The following ZRANB3 variants were observed in gnomAD, a reference collection of about 807,000 sequenced individuals.
The protein encoded by ZRANB3 is zinc finger RANBP2-type containing 3, also known as DNA annealing helicase and endonuclease ZRANB3.
Under a neutral mutation model 133.8 loss-of-function variants are expected in ZRANB3, and 125 were observed. The observed-to-expected ratio is 0.93, with a 90% confidence interval of 0.81 to 1.08. The LOEUF is 1.08. Ranked by LOEUF, ZRANB3 falls within the 50% of genes least tolerant of loss-of-function variation. The pLI is 0.00. For synonymous variants in ZRANB3, 387 were observed against 432.7 expected, an observed-to-expected ratio of 0.89 and a Z score of 1.31; for missense variants, 1,229 against 1,275.5, an observed-to-expected ratio of 0.96 and a Z score of 0.56.
intron 8 of ZRANB3, among the ~76,000 whole-genome samples, chr2:135,277,419 A>AACATG (rs1680882276): frequency 1.3e-5 from 2 of 152,214 alleles, no homozygotes; most frequent in African/African-American, 4.8e-5. Context: ...AGATCAATAG[A>AACATG]TATTTGTAGA....
At chr2:135,509,784 G>T (rs1693359005) in intron 1 of ZRANB3, among the ~76,000 whole-genome samples, 1 of 152,096 alleles carries the variant, frequency 6.6e-6, no homozygotes, top group African/African-American at 2.4e-5. Context: ...TTTTAGAATT[G>T]TTTTGTGATC....
At chr2:135,254,550 T>A (rs546907175) in intron 12 of ZRANB3, among the ~76,000 whole-genome samples, 74 of 151,240 alleles carry the variant, frequency 4.9e-4, no homozygotes, top group Admixed American at 3.4e-3. Context: ...GAGGCGGAGG[T>A]TGCAGTGAGC....
intron 8 of ZRANB3, among the ~76,000 whole-genome samples, chr2:135,305,974 T>C (rs1682672856): frequency 6.6e-6 from 1 of 152,180 alleles, no homozygotes; most frequent in Non-Finnish European, 1.5e-5. Flanking sequence ...GAACATTCCC[T>C]TATATGTGAT....
intron 2 of ZRANB3, among the ~76,000 whole-genome samples, chr2:135,421,888 T>TC (rs1558989368): frequency 6.7e-6 from 1 of 150,076 alleles, no homozygotes; most frequent in Admixed American, 6.6e-5. Context: ...CTTTTTTTTT[T>TC]CCTTTTTTTT....
At chr2:135,334,964 G>A (rs1684306000) in intron 6 of ZRANB3, among the ~76,000 whole-genome samples, 1 of 151,984 alleles carries the variant, frequency 6.6e-6, no homozygotes, top group Non-Finnish European at 1.5e-5. Flanking sequence ...GGATACATAT[G>A]CAGGATGTGC....
At chr2:135,218,005 G>A (rs1195115291) in intron 16 of ZRANB3, among the ~76,000 whole-genome samples, 3 of 151,998 alleles carry the variant, frequency 2.0e-5, no homozygotes, top group Non-Finnish European at 4.4e-5. Context: ...TAGTGACAGG[G>A]TCTCACTATG....
At position 135,202,874 on chromosome 2, in the gene ZRANB3, G is replaced by C. The variant is rs757610097; in HGVS notation, c.3099C>G (p.Ser1033=). The C allele has an allele frequency of 6.2e-7, 1 of 1,610,808 alleles. No homozygotes were observed. Among genetic ancestry groups the C allele is most frequent in the Non-Finnish European group, 8.5e-7 (1 of 1,178,506 alleles). ...TGCAGAGAGTCTGCAGGTTGTCCAG[G>C]GAACACTGTCCTCCTCCCCCATACA... ...KPVYGGGGQC[S]LDNLQTLCTV... is the part of the protein sequence containing the mutation. The change falls in exon 20 of 21, where the codon TCC becomes TCG. Residue 1033 remains serine, a synonymous_variant. Transcript: ENST00000264159.
rs190299587 is a variant in ZRANB3 at position 135,217,713 on chromosome 2, C to T, written c.2353-106G>A. Reference sequence around the variant, plus strand: ...GAAAACTGCTATTTTGTTATGTCCCCCAAATAGGCTTTTGAGTTCCATAAC... The same window carrying T: ...GAAAACTGCTATTTTGTTATGTCCCTCAAATAGGCTTTTGAGTTCCATAAC... On this transcript the variant is annotated intron_variant, in intron 16 of 20. Transcript: ENST00000264159. 1.5e-4 allele frequency: 201 copies of T among 1,355,908 alleles called. No homozygotes were observed. In the African/African-American group the frequency reaches 2.7e-3, roughly 18 times the overall value. 84.0% of individuals were successfully genotyped at this position (1,355,908 alleles called of 1,614,324 possible).
chr2:135,521,364 T>A (rs1220128959), intron 1 of ZRANB3, among the ~76,000 whole-genome samples: 1 of 152,062 alleles, frequency 6.6e-6, no homozygotes, highest in Non-Finnish European at 1.5e-5. Context: ...CTCATCAACA[T>A]GGTGAAACCT....
intron 3 of ZRANB3, among the ~76,000 whole-genome samples, chr2:135,382,088 A>T (rs1686729948): frequency 6.6e-6 from 1 of 152,068 alleles, no homozygotes; most frequent in Admixed American, 6.5e-5. Context: ...GAACTTAAAA[A>T]CCTTGAAAAA....
Position 135,350,190 on chromosome 2 carries a change from C to A in ZRANB3, c.385G>T (p.Val129Phe), listed in dbSNP as rs889926276. 4 of 1,602,040 alleles carry A rather than the reference C, an allele frequency of 2.5e-6. No individual in the cohort carries two copies. The highest frequency in any genetic ancestry group is 1.3e-5 in the African/African-American group (1 of 74,836). ...VRRMSTSKVT[V>F]LGYGLLTADA... ...GCGGTTAAGAGACCATAACCCAGAACTGTCACTTTACTGGTCGACATTCTC... is the reference window on the plus strand; with the variant it reads ...GCGGTTAAGAGACCATAACCCAGAAATGTCACTTTACTGGTCGACATTCTC... The change falls in exon 5 of 21, where the codon GTT becomes TTT. Residue 129 changes from valine to phenylalanine, a missense_variant. Transcript: ENST00000264159.
intron 3 of ZRANB3, among the ~76,000 whole-genome samples, chr2:135,387,456 G>T (rs1298863869): frequency 6.6e-6 from 1 of 152,080 alleles, no homozygotes; most frequent in African/African-American, 2.4e-5. Context: ...ACACTGGCAT[G>T]GTAAGATTCC....
chr2:135,467,156 T>A (rs1691035503), intron 2 of ZRANB3, among the ~76,000 whole-genome samples: 1 of 152,190 alleles, frequency 6.6e-6, no homozygotes, highest in African/African-American at 2.4e-5. Flanking sequence ...CCACATCTCC[T>A]AGACCCAGGC....
chr2:135,436,515 T>C (rs1472643100), intron 2 of ZRANB3, among the ~76,000 whole-genome samples: 1 of 152,042 alleles, frequency 6.6e-6, no homozygotes, highest in Non-Finnish European at 1.5e-5. Flanking sequence ...CACTCACAAC[T>C]ACCACAAAAA....
intron 2 of ZRANB3, among the ~76,000 whole-genome samples, chr2:135,427,280 A>G (rs1446678732): frequency 1.3e-5 from 2 of 152,094 alleles, no homozygotes; most frequent in African/African-American, 4.8e-5. Flanking sequence ...AACTATCTCT[A>G]TTTGCAGATG....
chr2:135,417,041 C>T (rs968069323), intron 2 of ZRANB3, among the ~76,000 whole-genome samples: 3 of 152,032 alleles, frequency 2.0e-5, no homozygotes, highest in African/African-American at 4.8e-5. Context: ...ATTCAGGACA[C>T]AGGCATGGGC....
chr2:135,295,905 C>T (rs1407096402), intron 8 of ZRANB3, among the ~76,000 whole-genome samples: 1 of 152,110 alleles, frequency 6.6e-6, no homozygotes, highest in African/African-American at 2.4e-5. Flanking sequence ...GAATATTGGC[C>T]CCCACTCTCT....
chr2:135,393,986 T>C (rs1054104818), intron 2 of ZRANB3, among the ~76,000 whole-genome samples: 1 of 151,916 alleles, frequency 6.6e-6, no homozygotes, highest in Non-Finnish European at 1.5e-5. Flanking sequence ...GCCTCTCGAG[T>C]AGCTGGGTAA....
At chr2:135,351,214 C>T (rs895763343) in intron 4 of ZRANB3, among the ~76,000 whole-genome samples, 1 of 151,522 alleles carries the variant, frequency 6.6e-6, no homozygotes, top group Non-Finnish European at 1.5e-5. Flanking sequence ...ACTATGGCTA[C>T]TGCATTTTAA....
Sources: gnomAD v4.1 joint callset for allele counts (sites outside exome capture counted in the v4.1 genomes callset) on GRCh38, gnomAD v4.1.1 for gene constraint, MANE v1.5 for transcripts, NCBI Gene and HGNC (gene_info 2026-07-23, HGNC 2026-07-21) for gene names.